The following PDXDC1 variants were observed in gnomAD, a reference collection of about 807,000 sequenced individuals.
PDXDC1 encodes pyridoxal dependent decarboxylase domain containing 1.
A neutral mutation model predicts 100.1 loss-of-function variants in PDXDC1; 42 were observed. That is an observed-to-expected ratio of 0.42 (90% CI 0.33 to 0.54). The LOEUF (loss-of-function observed/expected upper bound fraction) is 0.54, where lower values mean the gene tolerates loss of function less well. Ranked by LOEUF, PDXDC1 falls within the 20% of genes least tolerant of loss-of-function variation. The pLI is 0.10. For missense variants in PDXDC1, 636 were observed against 979.2 expected, an observed-to-expected ratio of 0.65 and a Z score of 4.68; for synonymous variants, 260 against 371.7, an observed-to-expected ratio of 0.70 and a Z score of 3.46.
At chr16:15,043,654 T>C (rs981249373) in intron 16 of PDXDC1, among the ~76,000 whole-genome samples, 2 of 152,106 alleles carry the variant, frequency 1.3e-5, no homozygotes, top group African/African-American at 4.8e-5. Flanking sequence ...TTTTTGAAAA[T>C]ATTTGCTAAT....
chr16:15,085,468 T>A (rs1183079825), intron 16 of PDXDC1, among the ~76,000 whole-genome samples: 1 of 152,300 alleles, frequency 6.6e-6, no homozygotes, highest in Non-Finnish European at 1.5e-5. Flanking sequence ...AAGCCTTTTT[T>A]AAGAAAATAT....
At chr16:15,050,154 T>C (rs1341714356) in intron 16 of PDXDC1, among the ~76,000 whole-genome samples, 1 of 152,228 alleles carries the variant, frequency 6.6e-6, no homozygotes, top group Admixed American at 6.5e-5. Context: ...TGAGTGTTTG[T>C]ACACACTTAT....
intron 16 of PDXDC1, chr16:15,130,401 AGGCGGAAGT>A: frequency 6.3e-7 from 1 of 1,576,644 alleles, no homozygotes; most frequent in South Asian, 1.1e-5. Flanking sequence ...CAGCGCCGAC[AGGCGGAAGT>A]GGCTGGAGAG....
intron 16 of PDXDC1, among the ~76,000 whole-genome samples, chr16:15,100,113 G>A (rs2046488715): frequency 6.6e-6 from 1 of 152,144 alleles, no homozygotes; most frequent in African/African-American, 2.4e-5. Context: ...TATACCAAAT[G>A]GCTTTTGATG....
chr16:15,014,036 G>C (rs1277914255), intron 8 of PDXDC1, among the ~76,000 whole-genome samples: 3 of 152,188 alleles, frequency 2.0e-5, no homozygotes, highest in Non-Finnish European at 4.4e-5. Flanking sequence ...GCGAAACCCT[G>C]TCTCTACTAA....
At chr16:15,066,159 C>G (rs1308358511) in intron 16 of PDXDC1, among the ~76,000 whole-genome samples, 1 of 152,158 alleles carries the variant, frequency 6.6e-6, no homozygotes, top group African/African-American at 2.4e-5. Context: ...CCAAGGCTCA[C>G]AGCACTTGAC....
rs970605340 is a variant in PDXDC1, at chr16:15,038,066, C to T, written c.*1791C>T. On this transcript the variant is annotated 3_prime_UTR_variant, in exon 23 of 23. Transcript: ENST00000396410. ...GGAGAAGAGATCTTTTCCCACAAGCCATCTTCATTTTTTTTGTAGAGTAGG... is the reference window on the plus strand; with the variant it reads ...GGAGAAGAGATCTTTTCCCACAAGCTATCTTCATTTTTTTTGTAGAGTAGG... 3.0e-5 allele frequency: 49 copies of T among 1,612,400 alleles called. No homozygotes were observed. The highest frequency in any genetic ancestry group is 4.2e-5 in the Non-Finnish European group (49 of 1,179,494).
At chr16:15,056,472 ATGAG>A (rs1405599935) in intron 16 of PDXDC1, among the ~76,000 whole-genome samples, 2 of 152,210 alleles carry the variant, frequency 1.3e-5, no homozygotes, top group African/African-American at 4.8e-5. Flanking sequence ...ATTGCATTCA[ATGAG>A]TAATAATAAA....
chr16:15,051,439 G>A (rs369949592), intron 16 of PDXDC1, among the ~76,000 whole-genome samples: 4 of 152,268 alleles, frequency 2.6e-5, no homozygotes, highest in African/African-American at 9.6e-5. Flanking sequence ...TGCAGCCTCT[G>A]GCCTCAAGCA....
At chr16:15,067,013 C>A (rs2045009023) in intron 16 of PDXDC1, among the ~76,000 whole-genome samples, 1 of 149,706 alleles carries the variant, frequency 6.7e-6, no homozygotes, top group Non-Finnish European at 1.5e-5. Flanking sequence ...CTTCATCCAT[C>A]CTCACTCTTT....
chr16:14,993,786 A>C (rs1458477119), intron 1 of PDXDC1, among the ~76,000 whole-genome samples: 1 of 152,302 alleles, frequency 6.6e-6, no homozygotes, highest in Non-Finnish European at 1.5e-5. Flanking sequence ...CTATTTCTCC[A>C]CATCCTCTCC....
At chr16:15,068,189 G>C (rs9924644) in intron 16 of PDXDC1, 1 of 1,590,364 alleles carries the variant, frequency 6.3e-7, no homozygotes, top group African/African-American at 1.4e-5. Flanking sequence ...CAGCAAAAAA[G>C]TTAACCACTG....
intron 16 of PDXDC1, among the ~76,000 whole-genome samples, chr16:15,080,611 TAG>T (rs2045658299): frequency 6.6e-6 from 1 of 152,256 alleles, no homozygotes; most frequent in East Asian, 1.9e-4. Context: ...TTTTTCCTTT[TAG>T]AGAGACATTT....
At chr16:15,146,584 G>C in the PDXDC1 span, among the ~76,000 whole-genome samples, 2 of 152,094 alleles carry the variant, frequency 1.3e-5, no homozygotes, top group African/African-American at 4.8e-5. Context: ...ACAGCCACGC[G>C]GCCCTGCGCT....
chr16:15,010,618 C>G (rs1567666520), intron 8 of PDXDC1, among the ~76,000 whole-genome samples: 1 of 152,286 alleles, frequency 6.6e-6, no homozygotes, highest in South Asian at 2.1e-4. Context: ...CTCCATTTAT[C>G]TCATTCAGCA....
At chr16:15,028,116 C>G (rs1297881594) in intron 14 of PDXDC1, among the ~76,000 whole-genome samples, 31 of 152,286 alleles carry the variant, frequency 2.0e-4, no homozygotes, top group Non-Finnish European at 3.2e-4. Flanking sequence ...ACACTCTGCC[C>G]CGAATTCGCT....
intron 16 of PDXDC1, among the ~76,000 whole-genome samples, chr16:15,122,293 G>T (rs1237329297): frequency 2.7e-5 from 4 of 148,992 alleles, no homozygotes. Flanking sequence ...TCACTGCAAC[G>T]TCCAGCTCCT....
At chr16:14,993,510 T>C (rs534987584) in intron 1 of PDXDC1, among the ~76,000 whole-genome samples, 1 of 152,418 alleles carries the variant, frequency 6.6e-6, no homozygotes, top group East Asian at 1.9e-4. Flanking sequence ...CCATGGTGTA[T>C]ATGTGCCACA....
At chr16:15,034,738 C>A (rs180750776) in intron 21 of PDXDC1, among the ~76,000 whole-genome samples, 185 bp downstream of exon 21, 10 of 152,132 alleles carry the variant, frequency 6.6e-5, no homozygotes, top group African/African-American at 2.2e-4. Context: ...CGCACCCTGG[C>A]GGCTGAAACA....
Sources: gnomAD v4.1 joint callset for allele counts (sites outside exome capture counted in the v4.1 genomes callset) on GRCh38, gnomAD v4.1.1 for gene constraint, MANE v1.5 for transcripts, NCBI Gene and HGNC (gene_info 2026-07-23, HGNC 2026-07-21) for gene names.